DCDC1: variants seen among roughly 807,000 people sequenced by gnomAD.
DCDC1 encodes the protein doublecortin domain containing 1, also known as doublecortin domain-containing protein 1.
Under a neutral mutation model 178.3 loss-of-function variants are expected in DCDC1, and 200 were observed. The ratio of observed to expected loss-of-function variants is 1.12; its 90% CI spans 1.00 to 1.26. The LOEUF (loss-of-function observed/expected upper bound fraction) is 1.26, where lower values mean the gene tolerates loss of function less well. Ranked by LOEUF, DCDC1 falls within the 50% of genes most tolerant of loss-of-function variation. DCDC1 has a pLI of 0.00. For synonymous variants in DCDC1, 690 were observed against 604.8 expected (o/e 1.14, Z -2.07); for missense variants, 1,983 against 1,749.2 (o/e 1.13, Z -2.38).
chr11:31,151,264 A>G (rs1965137208), intron 9 of DCDC1, among the ~76,000 whole-genome samples: 1 of 152,222 alleles, frequency 6.6e-6, no homozygotes, highest in Non-Finnish European at 1.5e-5. Flanking sequence ...ATATGATAAA[A>G]TGAAAAAATA....
intron 2 of DCDC1, among the ~76,000 whole-genome samples, chr11:31,334,988 A>G (rs1405073478): frequency 1.3e-5 from 2 of 152,170 alleles, no homozygotes; most frequent in African/African-American, 4.8e-5. Context: ...CCTTTTGTTC[A>G]GCTATGCCCT....
chr11:31,111,034 C>T (rs1361319729), intron 11 of DCDC1, among the ~76,000 whole-genome samples: 4 of 152,100 alleles, frequency 2.6e-5, no homozygotes, highest in Non-Finnish European at 4.4e-5. Context: ...AAACCAGTCC[C>T]GACAGGATGG....
chr11:30,972,551 A>G (rs1312802048), intron 20 of DCDC1, among the ~76,000 whole-genome samples: 1 of 152,176 alleles, frequency 6.6e-6, no homozygotes, highest in Non-Finnish European at 1.5e-5. Flanking sequence ...GAGCAAACAC[A>G]TAAATAAGAA....
At chr11:31,255,354 T>C (rs1426241636) in intron 8 of DCDC1, among the ~76,000 whole-genome samples, 2 of 152,198 alleles carry the variant, frequency 1.3e-5, no homozygotes, top group African/African-American at 4.8e-5. Context: ...TTCTGTGTTT[T>C]TCTCTTGGAA....
At chr11:30,948,286 A>C (rs371329709) in intron 21 of DCDC1, among the ~76,000 whole-genome samples, 5 of 152,136 alleles carry the variant, frequency 3.3e-5, no homozygotes, top group African/African-American at 7.2e-5. Context: ...ACCTAGGAAT[A>C]CAACTTACAA....
chr11:31,248,949 G>T (rs1347269762), intron 8 of DCDC1, among the ~76,000 whole-genome samples: 1 of 152,038 alleles, frequency 6.6e-6, no homozygotes, highest in Non-Finnish European at 1.5e-5. Context: ...TAGGCTGTTT[G>T]TTTTCATTGG....
intron 35 of DCDC1, among the ~76,000 whole-genome samples, chr11:30,893,990 G>A (rs976945543): frequency 6.6e-6 from 1 of 152,184 alleles, no homozygotes; most frequent in Non-Finnish European, 1.5e-5. Flanking sequence ...GTACATATCC[G>A]CTGGGCCTTT....
At chr11:30,930,189 T>C (rs1294252851) in intron 22 of DCDC1, among the ~76,000 whole-genome samples, 7 of 152,118 alleles carry the variant, frequency 4.6e-5, no homozygotes. Flanking sequence ...ATTTATTAAA[T>C]ACACCAAGGC....
At chr11:30,895,203 T>C (rs1465210840) in intron 34 of DCDC1, among the ~76,000 whole-genome samples, 2 of 152,190 alleles carry the variant, frequency 1.3e-5, no homozygotes, top group African/African-American at 2.4e-5. Flanking sequence ...GCAACAGCTA[T>C]GGGTGAGGTG....
chr11:31,151,216 G>A lies in DCDC1; in HGVS notation c.1222-13432C>T, dbSNP rs115727589. On this transcript the variant is annotated intron_variant, in intron 9 of 38. Transcript: ENST00000684477. Reference sequence around the variant, plus strand: ...AATCCAGGCATGTCTAACTTCAGCCGCTTATGATTTTTAATTTTGTCTTGG... The same window carrying A: ...AATCCAGGCATGTCTAACTTCAGCCACTTATGATTTTTAATTTTGTCTTGG... Among the ~76,000 whole-genome samples the A allele has an allele frequency of 4.0e-3, 607 of 152,244 alleles. 4 individuals are homozygous for A. Among genetic ancestry groups the A allele is most frequent in the African/African-American group, 0.014 (564 of 41,544 alleles).
At chr11:30,904,767 T>C (rs959384945) in intron 31 of DCDC1, 194 bp downstream of exon 31, 3 of 650,130 alleles carry the variant, frequency 4.6e-6, no homozygotes, top group Admixed American at 5.9e-5. Context: ...TTCTAGTTTT[T>C]CTAAGTCTGT....
intron 18 of DCDC1, 55 bp downstream of exon 18, chr11:31,077,810 G>C (rs1956954507): frequency 1.3e-6 from 1 of 752,488 alleles, no homozygotes; most frequent in Non-Finnish European, 2.4e-6. Context: ...CCCTTTATAA[G>C]AATCTGGGAA....
At chr11:31,131,410 T>C (rs1962425031) in intron 10 of DCDC1, among the ~76,000 whole-genome samples, 1 of 152,176 alleles carries the variant, frequency 6.6e-6, no homozygotes, top group African/African-American at 2.4e-5. Flanking sequence ...ATGCTTTCCA[T>C]AGTACTGTTA....
In DCDC1 at chr11:30,922,636, C is replaced by A. The variant is rs757597665; in HGVS notation, c.3000G>T (p.Val1000=). 1 of 1,540,338 alleles carries A rather than the reference C, an allele frequency of 6.5e-7. No individual in the cohort carries two copies. The highest frequency in any genetic ancestry group is 8.7e-7 in the Non-Finnish European group (1 of 1,151,392). The change falls in exon 24 of 39, where the codon GTG becomes GTT. Residue 1000 remains valine (V), a splice_region_variant and synonymous_variant. Coordinates refer to ENST00000684477, the MANE Select transcript of DCDC1 (RefSeq NM_001387274.1). ...TCCAGAGTTCTCCACATGAAACATA[C>A]ACCTATCAAACAAAGCATCTCTTAT... is the stretch of plus-strand genomic sequence containing the variant. ...ALKDLQRDEL[V]YVSCGELWIN...
rs747310459 is a variant in DCDC1, at chr11:30,900,505, G to GA, written c.4511-8dup. On this transcript the variant is annotated splice_region_variant and splice_polypyrimidine_tract_variant and intron_variant, in intron 32 of 38. Transcript: ENST00000684477. ...ACTTTCATTCTTGGATTTTCTGGTGGAAAAAATGACACATTTATCATTGTT... is the reference window on the plus strand; with the variant it reads ...ACTTTCATTCTTGGATTTTCTGGTGGAAAAAAATGACACATTTATCATTGTT... 2.0e-4 allele frequency: 303 copies of GA among 1,517,336 alleles called. No homozygotes were observed. The highest frequency in any genetic ancestry group is 2.5e-4 in the Non-Finnish European group (285 of 1,128,572). 94.0% of individuals were successfully genotyped at this position (1,517,336 alleles called of 1,614,324 possible).
intron 8 of DCDC1, among the ~76,000 whole-genome samples, chr11:31,264,030 A>G (rs1244648514): frequency 6.6e-6 from 1 of 152,226 alleles, no homozygotes; most frequent in African/African-American, 2.4e-5. Flanking sequence ...AGTACATTTC[A>G]TAACTTTTTT....
chr11:31,211,488 G>A (rs1477048079), intron 9 of DCDC1, among the ~76,000 whole-genome samples: 1 of 152,064 alleles, frequency 6.6e-6, no homozygotes, highest in Non-Finnish European at 1.5e-5. Context: ...TGAGGCCTAG[G>A]GATTTGAGAG....
At chr11:31,109,673 G>C (rs984675855) in intron 12 of DCDC1, among the ~76,000 whole-genome samples, 4 of 152,172 alleles carry the variant, frequency 2.6e-5, no homozygotes, top group African/African-American at 9.6e-5. Flanking sequence ...CCAAAACACT[G>C]CTGTGCGCTC....
rs901957963 is a variant in DCDC1 at position 31,213,320 on chromosome 11, G to A, written c.1221+28130C>T. On this transcript the variant is annotated intron_variant, in intron 9 of 38. Transcript: ENST00000684477. ...AATTTAGCCTTATCATTGGTAAGTAGAGACTGGATTTTAATTCCTGCCTGG... is the reference window on the plus strand; with the variant it reads ...AATTTAGCCTTATCATTGGTAAGTAAAGACTGGATTTTAATTCCTGCCTGG... Among the ~76,000 whole-genome samples the A allele has an allele frequency of 3.3e-5, 5 of 151,840 alleles. No individual in the cohort carries two copies. The South Asian group carries it at 8.3e-4, about 25-fold the overall frequency.
Sources: allele counts gnomAD v4.1 joint callset (sites outside exome capture counted in the v4.1 genomes callset), GRCh38; gene constraint gnomAD v4.1.1; transcripts MANE v1.5; gene names NCBI Gene and HGNC (gene_info 2026-07-23, HGNC 2026-07-21).